The following CLPB variants were observed in gnomAD, a reference collection of about 807,000 sequenced individuals.
CLPB encodes ClpB family mitochondrial disaggregase.
Under a neutral mutation model 78.4 loss-of-function variants are expected in CLPB, and 40 were observed. The ratio of observed to expected loss-of-function variants is 0.51; its 90% confidence interval spans 0.40 to 0.66. The LOEUF (loss-of-function observed/expected upper bound fraction) is 0.66. CLPB is among the 30% of genes least tolerant of loss of function. The pLI is 0.00. For missense variants in CLPB, 780 were observed against 886.9 expected (o/e 0.88, Z 1.53); for synonymous variants, 333 against 348.0 (o/e 0.96, Z 0.48).
rs117725436 is a variant in CLPB, at chr11:72,327,791, C to G, written c.873+1916G>C. ...AAGGCACTTAAGGAAGTTGACCTGA[C>G]CTCCTGACCTGCTCCTAGGACAGAA... On this transcript the variant is annotated intron_variant, in intron 6 of 15. Coordinates refer to ENST00000538039, the MANE Select transcript of CLPB (RefSeq NM_001258392.3). 5.3e-5 allele frequency among the ~76,000 whole-genome samples: 8 copies of G among 152,254 alleles called. No homozygotes were observed. The East Asian group carries it at 1.2e-3, about 22-fold the overall frequency.
At chr11:72,319,147 T>C (rs1785263279) in intron 6 of CLPB, among the ~76,000 whole-genome samples, 1 of 152,182 alleles carries the variant, frequency 6.6e-6, no homozygotes, top group Admixed American at 6.5e-5. Context: ...AAAGGTCTTC[T>C]CTCTTCCCAC....
intron 8 of CLPB, 91 bp from the exon 9 acceptor site, chr11:72,307,345 G>T (rs1949764193): frequency 1.9e-6 from 2 of 1,060,808 alleles, no homozygotes; most frequent in African/African-American, 1.6e-5. Context: ...ACACTAGAAA[G>T]AATATATTCT....
Position 72,430,330 on chromosome 11 carries a change from T to C in CLPB, c.437A>G (p.Asn146Ser), listed in dbSNP as rs1856508803. ...AACTCACCTGCTGACTTCTTGCATA[T>C]TGTTGGCACGGGCAGCTTCCAACAG... ...AALLEAARAN[N>S]MQEVSRLLSE... Residue 146 changes from asparagine to serine, a missense_variant, in exon 2 of 16, where the codon AAT becomes AGT. Transcript: ENST00000538039. 6.2e-7 allele frequency: 1 copy of C among 1,613,432 alleles called. No homozygotes were observed. Among genetic ancestry groups the C allele is most frequent in the East Asian group, 2.2e-5 (1 of 44,868 alleles).
chr11:72,317,295 G>A (rs767603156), intron 6 of CLPB, 75 bp from the exon 7 acceptor site: 457 of 1,137,298 alleles, frequency 4.0e-4, no homozygotes, highest in Non-Finnish European at 5.5e-4. Context: ...CCCCCAACTC[G>A]GGGAAAACAC....
Position 72,358,895 on chromosome 11 carries a change from C to G in CLPB, c.760G>C (p.Glu254Gln). Residue 254 changes from glutamate to glutamine, a missense_variant, in exon 5 of 16, where the codon GAG (glutamate) becomes CAG (glutamine). Physicochemically the swap from Glu to Gln is conservative, Grantham distance 29 (BLOSUM62 2). Coordinates refer to ENST00000538039, the MANE Select transcript of CLPB (RefSeq NM_001258392.3). ...CTGCTCTCACCTCCATCAAGCAGCT[C>G]CTTGACAGTGCGGTAGTCATCAGCA... ...VLADDYRTVK[E>Q]LLDGGANPLQ... is the part of the protein sequence containing the mutation. 1 of 1,603,086 alleles carries G rather than the reference C, an allele frequency of 6.2e-7. No homozygotes were observed. The highest frequency in any genetic ancestry group is 8.5e-7 in the Non-Finnish European group (1 of 1,174,380).
intron 3 of CLPB, among the ~76,000 whole-genome samples, chr11:72,394,876 G>A (rs1182650913): frequency 6.6e-6 from 1 of 152,114 alleles, no homozygotes. Context: ...TCCTGCACTG[G>A]GCAGGTGGCC....
Position 72,301,831 on chromosome 11 carries a change from A to C in CLPB, c.1301T>G (p.Leu434Arg). The C allele has an allele frequency of 6.2e-7, 1 of 1,614,118 alleles. No homozygotes were observed. The highest frequency in any genetic ancestry group is 8.5e-7 in the Non-Finnish European group (1 of 1,180,010). Residue 434 changes from leucine to arginine, a missense_variant, in exon 11 of 16, where the codon CTC (leucine) becomes CGC (arginine). Physicochemically the swap from Leu to Arg is moderately radical, Grantham distance 102. This residue lies in a region of CLPB where 91 missense variants were observed against 168.2 expected (regional missense o/e 0.54). Transcript: ENST00000538039. ...DEVDKAHPDV[L>R]TIMLQLFDEG... ...ATCAAACAGCTGCAGCATGATGGTGAGCACATCTGGATGGGCCTTGTCTAC... is the reference window on the plus strand; with the variant it reads ...ATCAAACAGCTGCAGCATGATGGTGCGCACATCTGGATGGGCCTTGTCTAC...
intron 4 of CLPB, among the ~76,000 whole-genome samples, chr11:72,378,847 T>A (rs779217306): frequency 2.0e-5 from 3 of 152,086 alleles, no homozygotes; most frequent in Admixed American, 6.5e-5. Context: ...AAAGGACATA[T>A]GGGTAGATGA....
At chr11:72,309,598 T>TA (rs1949807137) in intron 7 of CLPB, among the ~76,000 whole-genome samples, 2 of 152,184 alleles carry the variant, frequency 1.3e-5, no homozygotes, top group African/African-American at 4.8e-5. Context: ...AGGCAACAGA[T>TA]AGAGACTTGC....
chr11:72,358,800 A>T, intron 5 of CLPB, 80 bp downstream of exon 5: 2 of 88,290 alleles, frequency 2.3e-5, no homozygotes, highest in South Asian at 2.9e-4. Context: ...GCCAAGCCCC[A>T]TCCCACCCCT....
chr11:72,413,233 G>A (rs1855928918), intron 2 of CLPB, among the ~76,000 whole-genome samples: 2 of 151,872 alleles, frequency 1.3e-5, no homozygotes. Context: ...AGGCTGCAGT[G>A]AGCCGAGATC....
chr11:72,303,419 G>T (rs559803135), intron 9 of CLPB, among the ~76,000 whole-genome samples: 1 of 152,240 alleles, frequency 6.6e-6, no homozygotes, highest in African/African-American at 2.4e-5. Context: ...TCATTCTACA[G>T]CTGAGACACA....
chr11:72,403,151 C>T (rs1412082579), intron 2 of CLPB, 99 bp from the exon 3 acceptor site: 3 of 1,096,814 alleles, frequency 2.7e-6, no homozygotes, highest in East Asian at 4.8e-5. Flanking sequence ...CAGTGTATGG[C>T]TTATCATGGA....
At chr11:72,295,343 A>C in intron 12 of CLPB, 149 bp downstream of exon 12, 1 of 746,766 alleles carries the variant, frequency 1.3e-6, no homozygotes, top group Non-Finnish European at 2.1e-6. Flanking sequence ...ACTACTTGGT[A>C]TGGTGTCTGA....
At chr11:72,428,227 T>C (rs887698058) in intron 2 of CLPB, among the ~76,000 whole-genome samples, 1 of 152,180 alleles carries the variant, frequency 6.6e-6, no homozygotes, top group African/African-American at 2.4e-5. Context: ...ATTCAGGCCC[T>C]CATCATCTTG....
At chr11:72,424,683 C>T (rs556877642) in intron 2 of CLPB, among the ~76,000 whole-genome samples, 5 of 152,206 alleles carry the variant, frequency 3.3e-5, no homozygotes, top group African/African-American at 1.2e-4. Flanking sequence ...ATCACGAGGT[C>T]AGACCATCCT....
chr11:72,418,935 G>C (rs1856107187), intron 2 of CLPB, among the ~76,000 whole-genome samples: 1 of 152,014 alleles, frequency 6.6e-6, no homozygotes, highest in African/African-American at 2.4e-5. Flanking sequence ...GAGGACGACT[G>C]ATTGCCTTAG....
chr11:72,409,086 A>C (rs1003558050), intron 2 of CLPB, among the ~76,000 whole-genome samples: 1 of 152,222 alleles, frequency 6.6e-6, no homozygotes, highest in Non-Finnish European at 1.5e-5. Flanking sequence ...AGAATGCTTA[A>C]TTCAGGCTGC....
intron 2 of CLPB, among the ~76,000 whole-genome samples, chr11:72,410,501 A>G (rs968338725): frequency 6.6e-5 from 10 of 152,258 alleles, no homozygotes; most frequent in Admixed American, 1.3e-4. Flanking sequence ...ACAAAATAGC[A>G]TAAGAAGAGC....
Sources: gnomAD v4.1 joint callset for allele counts (sites outside exome capture counted in the v4.1 genomes callset) on GRCh38, gnomAD v4.1.1 for gene constraint, gnomAD v4.1.1 regional missense constraint, MANE v1.5 for transcripts, NCBI Gene and HGNC (gene_info 2026-07-23, HGNC 2026-07-21) for gene names.